The following IGSF3 variants were observed in gnomAD, a reference collection of about 807,000 sequenced individuals.
IGSF3 encodes the protein immunoglobulin superfamily member 3, also known as glu-Trp-Ile EWI motif-containing protein 3.
In IGSF3, 23 loss-of-function variants were observed where a neutral mutation model predicts 114.4. That is an observed-to-expected ratio of 0.20 (90% CI 0.14 to 0.28). IGSF3 has a LOEUF of 0.28. Ranked by LOEUF, IGSF3 falls within the 10% of genes least tolerant of loss-of-function variation. The pLI is 1.00. For synonymous variants in IGSF3, 571 were observed against 645.2 expected, an observed-to-expected ratio of 0.88 and a Z score of 1.74; for missense variants, 1,172 against 1,591.5, an observed-to-expected ratio of 0.74 and a Z score of 4.48.
At chr1:116,656,061 A>G (rs1648831908) in intron 2 of IGSF3, among the ~76,000 whole-genome samples, 1 of 152,170 alleles carries the variant, frequency 6.6e-6, no homozygotes, top group Non-Finnish European at 1.5e-5. Context: ...CAGTTCTGAT[A>G]TAGCCATAAA....
rs1176273926 is a variant in IGSF3 at position 116,633,965 on chromosome 1, A to G, written c.44-17508T>C. ...CTGTTCATGCTATGGAAGGGCCTCT[A>G]TGCCATCGAGGCTAAAACCAAAGCA... On this transcript the variant is annotated intron_variant, in intron 2 of 10. Transcript: ENST00000369486. This position sits in a 1 kb window ranked among gnomAD's most constrained non-coding sequence, Gnocchi z 4.3. Among the ~76,000 whole-genome samples the G allele has an allele frequency of 1.3e-5, 2 of 152,238 alleles. No homozygotes were observed. The highest frequency in any genetic ancestry group is 4.8e-5 in the African/African-American group (2 of 41,470).
chr1:116,659,706 C>T (rs1649031920), intron 2 of IGSF3, among the ~76,000 whole-genome samples: 1 of 152,140 alleles, frequency 6.6e-6, no homozygotes, highest in South Asian at 2.1e-4. Flanking sequence ...CCTCAACCTT[C>T]TGGGCTCAAC....
chr1:116,604,219 C>T (rs547792), intron 5 of IGSF3, among the ~76,000 whole-genome samples, 194 bp from the exon 6 acceptor site: 48,174 of 152,042 alleles, frequency 0.32, 8,888 homozygotes, highest in Non-Finnish European at 0.4. Context: ...GGTTTTAGAT[C>T]TGATAATCTA....
rs535367764 is a variant in IGSF3, at chr1:116,629,694, G to A, written c.44-13237C>T. Among the ~76,000 whole-genome samples, 20 of 152,312 alleles carry A rather than the reference G, an allele frequency of 1.3e-4. No homozygotes were observed. The highest frequency in any genetic ancestry group is 3.3e-4 in the Admixed American group (5 of 15,304). ...TTTGCAGGTGTGTGAAGTGTCAAAT[G>A]GTTAATCAGTTGCCCTCTATTTGAG... On this transcript the variant is annotated intron_variant, in intron 2 of 10. Transcript: ENST00000369486. The surrounding 1 kb of genome is among the most constrained non-coding windows in gnomAD (Gnocchi z 4.3).
chr1:116,607,822 C>A lies in IGSF3; in HGVS notation c.1222+120G>T, dbSNP rs1400835327. On this transcript the variant is annotated intron_variant, in intron 5 of 10. Coordinates refer to ENST00000369486, the MANE Select transcript of IGSF3 (RefSeq NM_001007237.3). This position sits in a 1 kb window ranked among gnomAD's most constrained non-coding sequence, Gnocchi z 6.1. Reference sequence around the variant, plus strand: ...CTCAATGGTTTTTCCCCCAGCTCTGCATTAACCTCGAGGGTTCCATCTGCC... The same window carrying A: ...CTCAATGGTTTTTCCCCCAGCTCTGAATTAACCTCGAGGGTTCCATCTGCC... The A allele has an allele frequency of 3.0e-6, 3 of 990,948 alleles. No homozygotes were observed. The highest frequency in any genetic ancestry group is 4.6e-6 in the Non-Finnish European group (3 of 646,742). The allele number at this position is 990,948 out of a possible 1,614,324, so 61.4% of individuals were successfully genotyped here.
chr1:116,637,859 T>C (rs556999220), intron 2 of IGSF3, among the ~76,000 whole-genome samples: 1 of 152,296 alleles, frequency 6.6e-6, no homozygotes, highest in South Asian at 2.1e-4. Flanking sequence ...ACCTCTACTT[T>C]CACCAAACAC....
intron 2 of IGSF3, among the ~76,000 whole-genome samples, chr1:116,617,967 G>A (rs562438947): frequency 1.3e-5 from 2 of 152,314 alleles, no homozygotes; most frequent in East Asian, 1.9e-4. Flanking sequence ...CGGCTGCCCC[G>A]GCTATGCCTA....
intron 4 of IGSF3, among the ~76,000 whole-genome samples, chr1:116,609,642 GA>G (rs1214854015): frequency 6.6e-6 from 1 of 152,012 alleles, no homozygotes; most frequent in Non-Finnish European, 1.5e-5. Context: ...CACCGAGGTG[GA>G]AAAAATCCCA....
chr1:116,635,998 G>C (rs2079774), intron 2 of IGSF3, among the ~76,000 whole-genome samples: 6 of 152,152 alleles, frequency 3.9e-5, no homozygotes, highest in Admixed American at 1.3e-4. Context: ...TGCCCAATAA[G>C]TGTTTGTGGG....
rs1648635395 is a variant in IGSF3, at chr1:116,651,519, C to T, written c.43+14765G>A. Among the ~76,000 whole-genome samples the T allele has an allele frequency of 6.6e-6, 1 of 152,186 alleles. No individual in the cohort carries two copies. Among genetic ancestry groups the T allele is most frequent in the Non-Finnish European group, 1.5e-5 (1 of 68,048 alleles). On this transcript the variant is annotated intron_variant, in intron 2 of 10. Coordinates refer to ENST00000369486, the MANE Select transcript of IGSF3 (RefSeq NM_001007237.3). The surrounding 1 kb of genome is among the most constrained non-coding windows in gnomAD (Gnocchi z 4.4). The stretch of plus-strand genomic sequence containing the variant: ...AAGTTTTAGAATTCCTTTTCAAATA[C>T]CATAGCTAGCATTTCTTTGGCTAGA...
In IGSF3 at chr1:116,664,568, T is replaced by C. The variant is rs1649252675; in HGVS notation, c.43+1716A>G. Among the ~76,000 whole-genome samples, 1 of 152,220 alleles carries C rather than the reference T, an allele frequency of 6.6e-6. No individual in the cohort carries two copies. Among genetic ancestry groups the C allele is most frequent in the African/African-American group, 2.4e-5 (1 of 41,460 alleles). On this transcript the variant is annotated intron_variant, in intron 2 of 10. Transcript: ENST00000369486. This position sits in a 1 kb window ranked among gnomAD's most constrained non-coding sequence, Gnocchi z 4.6. ...CCTCCCCAAGGGCTTTCCTTGTTTG[T>C]GTCCTGTTGAATCCACATGAATCAC... is the stretch of plus-strand genomic sequence containing the variant.
intron 2 of IGSF3, among the ~76,000 whole-genome samples, chr1:116,656,942 GAATT>G (rs1007813057): frequency 8.0e-4 from 122 of 151,924 alleles, no homozygotes; most frequent in Non-Finnish European, 1.3e-3. Flanking sequence ...ATGAATGAAT[GAATT>G]AATTAATTAA....
In IGSF3 at chr1:116,615,725, G is replaced by A. The variant is rs184365312; in HGVS notation, c.421+355C>T. Among the ~76,000 whole-genome samples the A allele has an allele frequency of 6.6e-6, 1 of 152,288 alleles. No individual in the cohort carries two copies. The highest frequency in any genetic ancestry group is 2.4e-5 in the African/African-American group (1 of 41,558). The stretch of plus-strand genomic sequence containing the variant: ...GCCCAAAGGCCTATCCTTCTGAGAG[G>A]TTTCTCCTCTCTTCCAACTGATGTC... On this transcript the variant is annotated intron_variant, in intron 3 of 10. Coordinates refer to ENST00000369486, the MANE Select transcript of IGSF3 (RefSeq NM_001007237.3). The surrounding 1 kb of genome is among the most constrained non-coding windows in gnomAD (Gnocchi z 4.3).
In IGSF3 at chr1:116,648,697, A is replaced by C. The variant is rs991390014; in HGVS notation, c.43+17587T>G. On this transcript the variant is annotated intron_variant, in intron 2 of 10. Coordinates refer to ENST00000369486, the MANE Select transcript of IGSF3 (RefSeq NM_001007237.3). This position sits in a 1 kb window ranked among gnomAD's most constrained non-coding sequence, Gnocchi z 4.7. ...GAAAGATTTGAAAGATGGGATTTGC[A>C]CCTTATTCCTATTCAGGTCTGGAGA... is the stretch of plus-strand genomic sequence containing the variant. Among the ~76,000 whole-genome samples the C allele has an allele frequency of 2.0e-5, 3 of 152,170 alleles. No homozygotes were observed. The highest frequency in any genetic ancestry group is 1.3e-4 in the Admixed American group (2 of 15,274).
chr1:116,617,330 G>A (rs962792076), intron 2 of IGSF3: 10 of 984,966 alleles, frequency 1.0e-5, no homozygotes, highest in Admixed American at 1.2e-4. Context: ...CTCATTTCAC[G>A]CCAACTCAAC....
chr1:116,590,921 C>T lies in IGSF3; in HGVS notation c.2030-1817G>A, dbSNP rs531309069. ...GCCATGACTGAGCAACACTGCGGAGCATCTCCCGCAGTAAATCGGACATTC... is the reference window on the plus strand; with the variant it reads ...GCCATGACTGAGCAACACTGCGGAGTATCTCCCGCAGTAAATCGGACATTC... On this transcript the variant is annotated intron_variant, in intron 7 of 10. Coordinates refer to ENST00000369486, the MANE Select transcript of IGSF3 (RefSeq NM_001007237.3). Among the ~76,000 whole-genome samples, 3 of 152,354 alleles carry T rather than the reference C, an allele frequency of 2.0e-5. No individual in the cohort carries two copies. In the East Asian group the frequency reaches 5.8e-4, roughly 29 times the overall value.
At chr1:116,639,833 A>C (rs542128138) in intron 2 of IGSF3, among the ~76,000 whole-genome samples, 2 of 152,154 alleles carry the variant, frequency 1.3e-5, no homozygotes, top group Non-Finnish European at 2.9e-5. Flanking sequence ...CAGGAGTTCA[A>C]GACCAATCTG....
rs1661291727 is a variant in IGSF3, at chr1:116,618,289, T to C, written c.44-1832A>G. ...GTATCTGAATTTATTTGATATATTCTGGTTGATGGCATTAATTATGATATT... is the reference window on the plus strand; with the variant it reads ...GTATCTGAATTTATTTGATATATTCCGGTTGATGGCATTAATTATGATATT... On this transcript the variant is annotated intron_variant, in intron 2 of 10. Coordinates refer to ENST00000369486, the MANE Select transcript of IGSF3 (RefSeq NM_001007237.3). This position sits in a 1 kb window ranked among gnomAD's most constrained non-coding sequence, Gnocchi z 4.7. Among the ~76,000 whole-genome samples the C allele has an allele frequency of 6.6e-6, 1 of 152,264 alleles. No individual in the cohort carries two copies. Among genetic ancestry groups the C allele is most frequent in the Non-Finnish European group, 1.5e-5 (1 of 68,044 alleles).
At position 116,582,843 on chromosome 1, in the gene IGSF3, C is replaced by T. The variant is rs1659660334; in HGVS notation, c.2848+1802G>A. Reference sequence around the variant, plus strand: ...ATATTTGTAGGCCGTGAGATTATGGCTAACCTTTCTTTTCAAAATTATACT... The same window carrying T: ...ATATTTGTAGGCCGTGAGATTATGGTTAACCTTTCTTTTCAAAATTATACT... On this transcript the variant is annotated intron_variant, in intron 9 of 10. Coordinates refer to ENST00000369486, the MANE Select transcript of IGSF3 (RefSeq NM_001007237.3). This position sits in a 1 kb window ranked among gnomAD's most constrained non-coding sequence, Gnocchi z 4.7. Among the ~76,000 whole-genome samples the T allele has an allele frequency of 6.6e-6, 1 of 152,186 alleles. No individual in the cohort carries two copies. The highest frequency in any genetic ancestry group is 2.4e-5 in the African/African-American group (1 of 41,432).
Sources: gnomAD v4.1 joint callset for allele counts (sites outside exome capture counted in the v4.1 genomes callset) on GRCh38, gnomAD v4.1.1 for gene constraint, Gnocchi (gnomAD v3.1) non-coding constraint, MANE v1.5 for transcripts, NCBI Gene and HGNC (gene_info 2026-07-23, HGNC 2026-07-21) for gene names.